Variants in NBPF15 observed in about 807,000 individuals in gnomAD.
NBPF15 encodes NBPF member 15, also known as NBPF family member NBPF15.
NBPF15 carries 74 observed loss-of-function variants against 62.2 expected under a neutral mutation model. That is an observed-to-expected ratio of 1.19 (90% CI 0.99 to 1.44). The LOEUF is 1.44. NBPF15 is among the 40% of genes most tolerant of loss of function. The pLI is 0.00. For synonymous variants in NBPF15, 244 were observed against 209.7 expected (o/e 1.16, Z -1.41); for missense variants, 790 against 550.0 (o/e 1.44, Z -4.36).
In NBPF15 at chr1:144,430,968, T is replaced by C. The variant is rs377639467; in HGVS notation, c.825-1105A>G. On this transcript the variant is annotated intron_variant, in intron 13 of 21. Transcript: ENST00000581897. ...AGCCAATTCGATCAAGTGCAAGAAA[T>C]GGTATCAGTGATTCAAGATCAAATT... Among the ~76,000 whole-genome samples, 431 of 151,118 alleles carry C rather than the reference T, an allele frequency of 2.9e-3. 2 individuals carry two copies. Among genetic ancestry groups the C allele is most frequent in the African/African-American group, 8.3e-3 (342 of 41,320 alleles).
chr1:144,442,461 G>GCTA (rs1232390996), intron 6 of NBPF15: 1 of 147,990 alleles, frequency 6.8e-6, no homozygotes, highest in Non-Finnish European at 1.5e-5. Context: ...CGGAGCGAGG[G>GCTA]CTACTGCACA....
intron 5 of NBPF15, among the ~76,000 whole-genome samples, chr1:144,450,381 C>T (rs587637305): frequency 3.7e-4 from 56 of 151,796 alleles, no homozygotes; most frequent in African/African-American, 1.2e-3. Context: ...GAGGAAAGCA[C>T]GTGGCCTCTG....
At chr1:144,432,482 C>A (rs1284554798) in intron 13 of NBPF15, among the ~76,000 whole-genome samples, 2 of 151,936 alleles carry the variant, frequency 1.3e-5, no homozygotes, top group African/African-American at 4.8e-5. Context: ...TGTAAATGGG[C>A]TAAATGCCCC....
chr1:144,455,693 C>T (rs1381747749), intron 4 of NBPF15, among the ~76,000 whole-genome samples: 6 of 151,976 alleles, frequency 3.9e-5, no homozygotes, highest in African/African-American at 1.5e-4. Flanking sequence ...CCTCCTTGCA[C>T]TGGCTCCCAC....
chr1:144,455,690 G>T (rs1234336755), intron 4 of NBPF15, among the ~76,000 whole-genome samples: 1 of 151,934 alleles, frequency 6.6e-6, no homozygotes, highest in Non-Finnish European at 1.5e-5. Flanking sequence ...TTCCCTCCTT[G>T]CACTGGCTCC....
At chr1:144,446,022 A>AT (rs587658340) in intron 6 of NBPF15, among the ~76,000 whole-genome samples, 195 of 148,630 alleles carry the variant, frequency 1.3e-3, no homozygotes, top group African/African-American at 4.6e-3. Flanking sequence ...TGCCTAGCTA[A>AT]TTTTTTGTAT....
At position 144,436,486 on chromosome 1, in the gene NBPF15, C is replaced by T. The variant is rs1318847321; in HGVS notation, c.493+409G>A. Among the ~76,000 whole-genome samples, 13 of 151,966 alleles carry T rather than the reference C, an allele frequency of 8.6e-5. No individual in the cohort carries two copies. In the South Asian group the frequency reaches 1.3e-3, roughly 15 times the overall value. On this transcript the variant is annotated intron_variant, in intron 10 of 21. Coordinates refer to ENST00000581897, the MANE Select transcript of NBPF15 (RefSeq NM_001385408.1). ...CTTGCAAGAGACAATTTGTCTGCCA[C>T]GGAGAGAGAGAAACTCAGGAAGGAC...
chr1:144,455,159 G>C (rs1558621286), intron 4 of NBPF15, among the ~76,000 whole-genome samples: 1 of 148,180 alleles, frequency 6.7e-6, no homozygotes, highest in African/African-American at 2.5e-5. Flanking sequence ...GAGGGAGGAA[G>C]GCAGGGAGGG....
chr1:144,447,785 G>A (rs1490933290), intron 6 of NBPF15, among the ~76,000 whole-genome samples: 1 of 152,004 alleles, frequency 6.6e-6, no homozygotes, highest in Non-Finnish European at 1.5e-5. Context: ...ATTATAAAGG[G>A]CTAGTTTATT....
chr1:144,423,364 T>C lies in NBPF15; in HGVS notation c.1770-108A>G, dbSNP rs61812441. On this transcript the variant is annotated intron_variant, in intron 21 of 21. Coordinates refer to ENST00000581897, the MANE Select transcript of NBPF15 (RefSeq NM_001385408.1). ...GGAAGTGGTTAGAAAAGAAAAAGGATAGATTCATTAATGAGGTAAAAAAAA... is the reference window on the plus strand; with the variant it reads ...GGAAGTGGTTAGAAAAGAAAAAGGACAGATTCATTAATGAGGTAAAAAAAA... The C allele has an allele frequency of 2.0e-5, 32 of 1,598,868 alleles. 1 individual carries two copies. The highest frequency in any genetic ancestry group is 2.6e-5 in the Non-Finnish European group (31 of 1,176,382).
intron 12 of NBPF15, among the ~76,000 whole-genome samples, chr1:144,434,405 G>T (rs1211683348): frequency 1.4e-5 from 2 of 148,076 alleles, no homozygotes; most frequent in African/African-American, 2.5e-5. Flanking sequence ...GGAGGCTGAG[G>T]CAGGAGAATC....
chr1:144,423,011 G>A lies in NBPF15; in HGVS notation c.*2C>T, dbSNP rs587735212. On this transcript the variant is annotated 3_prime_UTR_variant, in exon 22 of 22. Transcript: ENST00000581897. Reference sequence around the variant, plus strand: ...GACATCTCTCGGCTTAGTAAGAGCTGCTTATTGTGGGAATATGACTCCCAT... The same window carrying A: ...GACATCTCTCGGCTTAGTAAGAGCTACTTATTGTGGGAATATGACTCCCAT... 1 of 1,611,642 alleles carries A rather than the reference G, an allele frequency of 6.2e-7. No homozygotes were observed. The highest frequency in any genetic ancestry group is 2.2e-5 in the East Asian group (1 of 44,868).
chr1:144,427,772 C>A, intron 16 of NBPF15, 46 bp downstream of exon 16: 1 of 614,370 alleles, frequency 1.6e-6, no homozygotes, highest in Non-Finnish European at 2.9e-6. Flanking sequence ...TGACCCTAAC[C>A]AGAAGACTCA....
At chr1:144,457,924 C>CA (rs1295666702) in intron 3 of NBPF15, among the ~76,000 whole-genome samples, 10 of 151,686 alleles carry the variant, frequency 6.6e-5, no homozygotes, top group African/African-American at 2.2e-4. Flanking sequence ...ACCCTGTCTA[C>CA]AAAAAATAGA....
In NBPF15 at chr1:144,423,108, T is replaced by C; in HGVS notation, c.1918A>G (p.Ile640Val). Residue 640 changes from isoleucine (I) to valine (V), a missense_variant, in exon 22 of 22, where the codon ATC (isoleucine) becomes GTC (valine). Transcript: ENST00000581897. ...TTGTCCACGTAAAGGGCGAAGCTGA[T>C]ATGCTCTTCCTCAAATGAGTAAAAC... ...SVFYSFEEEH[I>V]SFALYVDNRF... 1 of 1,611,640 alleles carries C rather than the reference T, an allele frequency of 6.2e-7. No homozygotes were observed. Among genetic ancestry groups the C allele is most frequent in the Non-Finnish European group, 8.5e-7 (1 of 1,179,616 alleles).
chr1:144,431,001 T>C (rs1280655366), intron 13 of NBPF15, among the ~76,000 whole-genome samples: 2 of 151,700 alleles, frequency 1.3e-5, no homozygotes, highest in Non-Finnish European at 2.9e-5. Flanking sequence ...ATTAATGAAA[T>C]GAAGCGAGAA....
intron 6 of NBPF15, among the ~76,000 whole-genome samples, chr1:144,445,701 T>C (rs1414312907): frequency 2.0e-5 from 3 of 151,604 alleles, no homozygotes; most frequent in African/African-American, 4.8e-5. Context: ...GATCTGGAGA[T>C]CAATTTACGA....
chr1:144,448,158 G>A (rs1173780256), intron 6 of NBPF15, among the ~76,000 whole-genome samples: 1 of 152,062 alleles, frequency 6.6e-6, no homozygotes, highest in Non-Finnish European at 1.5e-5. Context: ...GGGCACAGAA[G>A]GCAGACCCAT....
chr1:144,445,151 A>C (rs1272579397), intron 6 of NBPF15, among the ~76,000 whole-genome samples: 1 of 151,166 alleles, frequency 6.6e-6, no homozygotes, highest in East Asian at 1.9e-4. Flanking sequence ...CTGACCATTC[A>C]TGTATCTTCT....
Sources: allele counts gnomAD v4.1 joint callset (sites outside exome capture counted in the v4.1 genomes callset), GRCh38; gene constraint gnomAD v4.1.1; transcripts MANE v1.5; gene names NCBI Gene and HGNC (gene_info 2026-07-23, HGNC 2026-07-21).